HSF2BP: variants seen among roughly 807,000 people sequenced by gnomAD.
The protein encoded by HSF2BP is heat shock transcription factor 2 binding protein.
In HSF2BP, 35 loss-of-function variants were observed where a neutral mutation model predicts 35.0. The ratio of observed to expected loss-of-function variants is 1.00; its 90% CI spans 0.76 to 1.32. The LOEUF (loss-of-function observed/expected upper bound fraction) is 1.32. HSF2BP is among the 40% of genes most tolerant of loss of function. HSF2BP has a pLI of 0.00. For synonymous variants in HSF2BP, 114 were observed against 117.4 expected (o/e 0.97, Z 0.18); for missense variants, 326 against 321.7 (o/e 1.01, Z -0.10).
intron 6 of HSF2BP, among the ~76,000 whole-genome samples, chr21:43,616,212 A>G (rs2082268878): frequency 6.6e-6 from 1 of 152,180 alleles, no homozygotes; most frequent in South Asian, 2.1e-4. Flanking sequence ...AATGCACACC[A>G]TGAGCCTTCC....
chr21:43,607,544 C>T (rs1253517959), intron 7 of HSF2BP, among the ~76,000 whole-genome samples: 1 of 152,134 alleles, frequency 6.6e-6, no homozygotes, highest in Non-Finnish European at 1.5e-5. Context: ...AGATTCAATG[C>T]TATTGCTATT....
chr21:43,575,598 T>C (rs1219824924), intron 8 of HSF2BP, among the ~76,000 whole-genome samples: 1 of 152,224 alleles, frequency 6.6e-6, no homozygotes, highest in African/African-American at 2.4e-5. Flanking sequence ...GAGGAAAGTC[T>C]TTAGCCCAAA....
chr21:43,658,167 G>A lies in HSF2BP; in HGVS notation c.-71C>T. The A allele has an allele frequency of 1.4e-6, 2 of 1,442,070 alleles. No individual in the cohort carries two copies. The highest frequency in any genetic ancestry group is 1.8e-6 in the Non-Finnish European group (2 of 1,095,556). The allele number at this position is 1,442,070 out of a possible 1,614,324, so 89.3% of individuals were successfully genotyped here. ...TCTGACCCCTCACGCCAGAAAGCGC[G>A]GGAACGAATCCACGCCGGGGGTCGG... On this transcript the variant is annotated 5_prime_UTR_variant, in exon 2 of 9. Transcript: ENST00000291560.
chr21:43,582,172 G>A (rs1166797169), intron 8 of HSF2BP, among the ~76,000 whole-genome samples: 10 of 97,092 alleles, frequency 1.0e-4, no homozygotes, highest in South Asian at 4.2e-4. Flanking sequence ...CTGCTGTGGG[G>A]GATGAGGGCC....
In HSF2BP at chr21:43,656,675, A is replaced by G. The variant is rs747277197; in HGVS notation, c.99T>C (p.Thr33=). Residue 33 remains threonine, a synonymous_variant, in exon 3 of 9, where the codon ACT becomes ACC. Coordinates refer to ENST00000291560, the MANE Select transcript of HSF2BP (RefSeq NM_007031.2). Reference sequence around the variant, plus strand: ...AGAAGTCCCGTATTTGCATCACTTCAGTTGTCAGCCGTTCCAGATCCTTCT... The same window carrying G: ...AGAAGTCCCGTATTTGCATCACTTCGGTTGTCAGCCGTTCCAGATCCTTCT... ...VRKKDLERLT[T]EVMQIRDFLP... The G allele has an allele frequency of 3.7e-6, 6 of 1,613,908 alleles. No individual in the cohort carries two copies. The highest frequency in any genetic ancestry group is 5.1e-6 in the Non-Finnish European group (6 of 1,179,860).
Position 43,604,377 on chromosome 21 carries a change from C to A in HSF2BP, c.692+9453G>T, listed in dbSNP as rs1009366744. Among the ~76,000 whole-genome samples, 3 of 139,012 alleles carry A rather than the reference C, an allele frequency of 2.2e-5. No individual in the cohort carries two copies. In the East Asian group the frequency reaches 6.5e-4, roughly 30 times the overall value. 91.2% of individuals were successfully genotyped at this position (139,012 alleles called of 152,430 possible). A position where few individuals can be genotyped will look rare whatever the true frequency, so the allele number is the denominator to read the frequency against. On this transcript the variant is annotated intron_variant, in intron 7 of 8. Coordinates refer to ENST00000291560, the MANE Select transcript of HSF2BP (RefSeq NM_007031.2). ...ACACACACACCACACAGCACGCACACCACACACACACCACACACACTACAC... is the reference window on the plus strand; with the variant it reads ...ACACACACACCACACAGCACGCACAACACACACACACCACACACACTACAC...
intron 8 of HSF2BP, among the ~76,000 whole-genome samples, chr21:43,581,025 A>G (rs185318656): frequency 6.6e-6 from 1 of 152,356 alleles, no homozygotes; most frequent in East Asian, 1.9e-4. Context: ...AAAGATGTGG[A>G]ATCAAAGTTG....
chr21:43,658,271 G>A lies in HSF2BP; in HGVS notation c.-175C>T. ...CTAGAGAGCGAGGAGTGGCCTTGGC[G>A]AGGTCCCTCTTTGGCTCTTCTGGCT... On this transcript the variant is annotated 5_prime_UTR_variant, in exon 2 of 9. Coordinates refer to ENST00000291560, the MANE Select transcript of HSF2BP (RefSeq NM_007031.2). 1.4e-6 allele frequency: 1 copy of A among 711,682 alleles called. No individual in the cohort carries two copies. 44.1% of individuals were successfully genotyped at this position (711,682 alleles called of 1,614,324 possible). A position where few individuals can be genotyped will look rare whatever the true frequency, so the allele number is the denominator to read the frequency against.
At chr21:43,646,802 G>A (rs968621377) in intron 3 of HSF2BP, among the ~76,000 whole-genome samples, 2 of 152,212 alleles carry the variant, frequency 1.3e-5, no homozygotes, top group Admixed American at 1.3e-4. Context: ...CTCCTGGGGA[G>A]GTGACAAGTG....
At chr21:43,629,783 T>C (rs1460372240) in intron 6 of HSF2BP, among the ~76,000 whole-genome samples, 1 of 152,160 alleles carries the variant, frequency 6.6e-6, no homozygotes, top group Admixed American at 6.5e-5. Context: ...ATTGTTGAAA[T>C]AAGAACAAGA....
rs575294512 is a variant in HSF2BP, at chr21:43,621,844, T to G, written c.575-7897A>C. ...ACTTAAATAATATATAAAATAAATA[T>G]AAAACACACTGGTACACAGACAACC... On this transcript the variant is annotated intron_variant, in intron 6 of 8. Transcript: ENST00000291560. Among the ~76,000 whole-genome samples, 11 of 152,030 alleles carry G rather than the reference T, an allele frequency of 7.2e-5. No individual in the cohort carries two copies. The East Asian group carries it at 2.1e-3, about 29-fold the overall frequency.
chr21:43,639,552 C>T (rs1166469417), intron 4 of HSF2BP, among the ~76,000 whole-genome samples: 1 of 152,146 alleles, frequency 6.6e-6, no homozygotes, highest in Admixed American at 6.5e-5. Flanking sequence ...AAATGATGCT[C>T]AACATCATTA....
chr21:43,595,670 TA>T (rs1452828631), intron 7 of HSF2BP, among the ~76,000 whole-genome samples: 1 of 126,226 alleles, frequency 7.9e-6, no homozygotes, highest in Non-Finnish European at 1.7e-5. Context: ...AAATAATAAC[TA>T]AAAATAATAA....
chr21:43,574,992 C>T (rs2081624365), intron 8 of HSF2BP, among the ~76,000 whole-genome samples: 2 of 152,218 alleles, frequency 1.3e-5, no homozygotes, highest in Admixed American at 1.3e-4. Flanking sequence ...CAGGGCTCAC[C>T]GCATGCGCAC....
At chr21:43,581,593 G>A (rs1324171577) in intron 8 of HSF2BP, among the ~76,000 whole-genome samples, 2 of 152,098 alleles carry the variant, frequency 1.3e-5, no homozygotes, top group Non-Finnish European at 2.9e-5. Context: ...TCTCCAGGTG[G>A]CCAGGAACAC....
At chr21:43,629,846 G>A (rs908727255) in intron 6 of HSF2BP, among the ~76,000 whole-genome samples, 3 of 152,178 alleles carry the variant, frequency 2.0e-5, no homozygotes, top group East Asian at 3.8e-4. Flanking sequence ...AGGTTTGAGA[G>A]GGCTGACTCC....
chr21:43,606,352 A>T (rs1172014100), intron 7 of HSF2BP, among the ~76,000 whole-genome samples: 1 of 152,202 alleles, frequency 6.6e-6, no homozygotes, highest in African/African-American at 2.4e-5. Flanking sequence ...CCAAGGTTGA[A>T]AGCATCAGGA....
intron 8 of HSF2BP, among the ~76,000 whole-genome samples, chr21:43,588,528 A>G (rs1256684099): frequency 3.3e-5 from 5 of 152,006 alleles, no homozygotes; most frequent in South Asian, 2.1e-4. Flanking sequence ...CCACCACCCC[A>G]TAACTATATA....
chr21:43,642,787 C>A (rs2082654765), intron 4 of HSF2BP, among the ~76,000 whole-genome samples: 1 of 135,812 alleles, frequency 7.4e-6, no homozygotes. Flanking sequence ...ACTGGAATGG[C>A]TTCTTTTCTT....
Sources: allele counts gnomAD v4.1 joint callset (sites outside exome capture counted in the v4.1 genomes callset), GRCh38; gene constraint gnomAD v4.1.1; transcripts MANE v1.5; gene names NCBI Gene and HGNC (gene_info 2026-07-23, HGNC 2026-07-21).